The following COL8A1 variants were observed in gnomAD, a reference collection of about 807,000 sequenced individuals.
The protein encoded by COL8A1 is collagen alpha-1(VIII) chain.
In COL8A1, 21 loss-of-function variants were observed where a neutral mutation model predicts 42.7. The ratio of observed to expected loss-of-function variants is 0.49; its 90% CI spans 0.35 to 0.71. The LOEUF is 0.71. Ranked by LOEUF, COL8A1 falls within the 30% of genes least tolerant of loss-of-function variation. The pLI is 0.01. For missense variants in COL8A1, 788 were observed against 962.4 expected, an observed-to-expected ratio of 0.82 and a Z score of 2.40; for synonymous variants, 367 against 369.1, an observed-to-expected ratio of 0.99 and a Z score of 0.06.
chr3:99,743,711 T>C (rs1306292435), intron 1 of COL8A1, among the ~76,000 whole-genome samples: 2 of 152,312 alleles, frequency 1.3e-5, no homozygotes, highest in South Asian at 2.1e-4. Context: ...GTAGCCACCA[T>C]ACTGAATAGT....
intron 1 of COL8A1, chr3:99,707,270 A>G (rs1233306900): frequency 1.3e-5 from 2 of 152,238 alleles, no homozygotes; most frequent in East Asian, 3.8e-4. Flanking sequence ...ACCATTGCTG[A>G]CACACTAAGA....
At chr3:99,704,424 T>A (rs116067481) in intron 1 of COL8A1, among the ~76,000 whole-genome samples, 2,266 of 152,170 alleles carry the variant, frequency 0.015, 52 homozygotes, top group African/African-American at 0.047. Flanking sequence ...GTTTTTTTTT[T>A]ATTAAACTTT....
At chr3:99,656,696 C>T (rs150129796) in intron 1 of COL8A1, among the ~76,000 whole-genome samples, 1 of 152,274 alleles carries the variant, frequency 6.6e-6, no homozygotes, top group East Asian at 1.9e-4. Context: ...TTCCAAAGAA[C>T]ACAATAAAGA....
At chr3:99,665,673 C>CTTTTTT (rs67004417) in intron 1 of COL8A1, among the ~76,000 whole-genome samples, 1 of 70,220 alleles carries the variant, frequency 1.4e-5, no homozygotes. Context: ...TGAATTAATT[C>CTTTTTT]TTTTTTTTTT....
intron 1 of COL8A1, among the ~76,000 whole-genome samples, chr3:99,665,096 C>T (rs541584375): frequency 1.3e-5 from 2 of 152,298 alleles, no homozygotes; most frequent in East Asian, 3.9e-4. Flanking sequence ...CTCCATGCTC[C>T]CTCATCCCCT....
At chr3:99,729,770 C>T (rs1282450398) in intron 1 of COL8A1, among the ~76,000 whole-genome samples, 1 of 152,026 alleles carries the variant, frequency 6.6e-6, no homozygotes, top group Non-Finnish European at 1.5e-5. Context: ...CCCACCCCTT[C>T]CTCTAGCTCT....
chr3:99,739,399 TG>T (rs1940833569), intron 1 of COL8A1, among the ~76,000 whole-genome samples: 2 of 152,222 alleles, frequency 1.3e-5, no homozygotes, highest in Non-Finnish European at 2.9e-5. Flanking sequence ...GGGGACTATG[TG>T]TGGGGGGACC....
At chr3:99,722,929 T>G (rs920149794) in intron 1 of COL8A1, among the ~76,000 whole-genome samples, 13 of 151,902 alleles carry the variant, frequency 8.6e-5, no homozygotes, top group Admixed American at 7.9e-4. Context: ...CCTCATGAAA[T>G]TACTTATGGA....
At chr3:99,659,027 G>T (rs900132461) in intron 1 of COL8A1, among the ~76,000 whole-genome samples, 7 of 152,142 alleles carry the variant, frequency 4.6e-5, no homozygotes, top group Non-Finnish European at 1.0e-4. Flanking sequence ...TGATTCTTAC[G>T]CATCCTAAGG....
chr3:99,654,212 C>T (rs1028948208), intron 1 of COL8A1, among the ~76,000 whole-genome samples: 3 of 152,132 alleles, frequency 2.0e-5, no homozygotes, highest in Non-Finnish European at 2.9e-5. Flanking sequence ...TTATTCTAGC[C>T]GTGCTGGCAG....
intron 2 of COL8A1, among the ~76,000 whole-genome samples, chr3:99,790,036 A>G (rs770750900): frequency 1.4e-4 from 22 of 152,258 alleles, no homozygotes; most frequent in Non-Finnish European, 2.8e-4. Flanking sequence ...CTCATCTGGC[A>G]GATGAAAAAT....
At chr3:99,680,853 A>C (rs1039162195) in intron 1 of COL8A1, among the ~76,000 whole-genome samples, 1 of 152,122 alleles carries the variant, frequency 6.6e-6, no homozygotes, top group African/African-American at 2.4e-5. Context: ...CAACCATCTG[A>C]TCTCTGACAA....
intron 1 of COL8A1, among the ~76,000 whole-genome samples, chr3:99,721,287 C>T (rs1006599425): frequency 6.7e-6 from 1 of 148,626 alleles, no homozygotes; most frequent in Non-Finnish European, 1.5e-5. Flanking sequence ...AAAATGTCAG[C>T]GGATGGCTCA....
At chr3:99,779,882 A>G (rs1412030189) in intron 2 of COL8A1, among the ~76,000 whole-genome samples, 2 of 152,226 alleles carry the variant, frequency 1.3e-5, no homozygotes, top group East Asian at 1.9e-4. Context: ...CCTGAAAATG[A>G]GTAAAAGTTA....
At chr3:99,784,511 A>C (rs1056824243) in intron 2 of COL8A1, among the ~76,000 whole-genome samples, 10 of 152,224 alleles carry the variant, frequency 6.6e-5, no homozygotes, top group African/African-American at 2.4e-4. Context: ...CTTGCTACAC[A>C]CCTTGGCTAC....
intron 2 of COL8A1, among the ~76,000 whole-genome samples, chr3:99,753,292 G>A (rs1941188726): frequency 1.3e-5 from 2 of 152,188 alleles, no homozygotes; most frequent in South Asian, 4.1e-4. Flanking sequence ...TCCTGACACT[G>A]TCCTGTTGTT....
chr3:99,642,276 T>C (rs903832578), intron 1 of COL8A1, among the ~76,000 whole-genome samples: 2 of 152,146 alleles, frequency 1.3e-5, no homozygotes, highest in Admixed American at 6.5e-5. Flanking sequence ...AGGTTCTTCA[T>C]AGTTTTTCCT....
At chr3:99,653,008 G>A (rs1937896808) in intron 1 of COL8A1, among the ~76,000 whole-genome samples, 1 of 152,074 alleles carries the variant, frequency 6.6e-6, no homozygotes, top group African/African-American at 2.4e-5. Context: ...GCCATCCTGG[G>A]CAAGACAGTA....
chr3:99,777,524 G>A (rs1393274356), intron 2 of COL8A1, among the ~76,000 whole-genome samples: 2 of 152,132 alleles, frequency 1.3e-5, no homozygotes, highest in African/African-American at 4.8e-5. Context: ...TGCTCCTCTG[G>A]AATTCAGACA....
Sources: allele counts gnomAD v4.1 joint callset (sites outside exome capture counted in the v4.1 genomes callset), GRCh38; gene constraint gnomAD v4.1.1; transcripts MANE v1.5; gene names NCBI Gene and HGNC (gene_info 2026-07-23, HGNC 2026-07-21).